MTA3: variants seen among roughly 807,000 people sequenced by gnomAD.
MTA3 encodes metastasis-associated protein MTA3.
MTA3 carries 34 observed loss-of-function variants against 83.5 expected under a neutral mutation model. The ratio of observed to expected loss-of-function variants is 0.41; its 90% CI spans 0.31 to 0.54. The LOEUF is 0.54. Among genes scored for constraint, MTA3 ranks in the 20% least tolerant of loss-of-function variants. MTA3 has a pLI of 0.33. For synonymous variants in MTA3, 303 were observed against 252.7 expected (o/e 1.20, Z -1.89); for missense variants, 761 against 726.4 (o/e 1.05, Z -0.55).
At chr2:42,610,113 A>C (rs1350127652) in intron 4 of MTA3, among the ~76,000 whole-genome samples, 1 of 152,160 alleles carries the variant, frequency 6.6e-6, no homozygotes, top group African/African-American at 2.4e-5. Context: ...AAACAAACGA[A>C]AAAAAACAAT....
chr2:42,567,872 G>A (rs1426030671), upstream of MTA3, among the ~76,000 whole-genome samples: 2 of 152,172 alleles, frequency 1.3e-5, no homozygotes, highest in African/African-American at 4.8e-5. Flanking sequence ...CACTCCTAAA[G>A]GTCCCTTTTC....
chr2:42,539,345 T>C (rs1676417305), intron 2 of MTA3, among the ~76,000 whole-genome samples: 1 of 152,014 alleles, frequency 6.6e-6, no homozygotes, highest in Non-Finnish European at 1.5e-5. Flanking sequence ...CAAGTCCTTC[T>C]TCACAGGGCA....
At chr2:42,686,296 TTTAAC>T (rs1428854080) in intron 9 of MTA3, among the ~76,000 whole-genome samples, 1 of 152,236 alleles carries the variant, frequency 6.6e-6, no homozygotes, top group Admixed American at 6.5e-5. Context: ...CGAAGCTTAA[TTTAAC>T]TTATTTCAAA....
rs1410650711 is a variant in MTA3, at chr2:42,671,867, A to G, written c.703-10534A>G. Among the ~76,000 whole-genome samples, 3 of 152,156 alleles carry G rather than the reference A, an allele frequency of 2.0e-5. No homozygotes were observed. In the East Asian group the frequency reaches 5.8e-4, roughly 29 times the overall value. On this transcript the variant is annotated intron_variant, in intron 8 of 16. Coordinates refer to ENST00000405094, the MANE Select transcript of MTA3 (RefSeq NM_001330442.2). ...GGGCCTTACTGACTCTGGCAACATCAAGGTCTGATGCTTGTCACATCAGAC... is the reference window on the plus strand; with the variant it reads ...GGGCCTTACTGACTCTGGCAACATCGAGGTCTGATGCTTGTCACATCAGAC...
At chr2:42,745,745 A>G (rs1280067765) in intron 16 of MTA3, among the ~76,000 whole-genome samples, 1 of 151,388 alleles carries the variant, frequency 6.6e-6, no homozygotes, top group African/African-American at 2.4e-5. Flanking sequence ...TAGTTTGTCA[A>G]CTTTGCTTCA....
At chr2:42,594,687 T>C (rs1182232128) in intron 3 of MTA3, among the ~76,000 whole-genome samples, 1 of 114,856 alleles carries the variant, frequency 8.7e-6, no homozygotes, top group African/African-American at 3.3e-5. Context: ...AATATACATA[T>C]ATACATATAT....
rs369767883 is a variant in MTA3 at position 42,726,579 on chromosome 2, C to A, written c.1759+3544C>A. ...GTCCATGTGTTCTCATTGTTCAATT[C>A]CCACCTATGAGTGAGAACATGCGGT... is the stretch of plus-strand genomic sequence containing the variant. On this transcript the variant is annotated intron_variant, in intron 16 of 16. Transcript: ENST00000405094. Among the ~76,000 whole-genome samples, 5 of 152,008 alleles carry A rather than the reference C, an allele frequency of 3.3e-5. No individual in the cohort carries two copies. In the East Asian group the frequency reaches 5.8e-4, roughly 18 times the overall value.
Position 42,682,710 on chromosome 2 carries a change from A to G in MTA3, c.891+121A>G, listed in dbSNP as rs149758887. On this transcript the variant is annotated intron_variant, in intron 9 of 16. Transcript: ENST00000405094. ...TGAGTTAATAGTTTTTATCTGCTCAAAGTAAAATGAAGGTTAGTCTTGTAA... is the reference window on the plus strand; with the variant it reads ...TGAGTTAATAGTTTTTATCTGCTCAGAGTAAAATGAAGGTTAGTCTTGTAA... 1,118 of 849,454 alleles carry G rather than the reference A, an allele frequency of 1.3e-3. 9 individuals are homozygous for G. The African/African-American group carries it at 0.017, about 13-fold the overall frequency. 52.6% of individuals were successfully genotyped at this position (849,454 alleles called of 1,614,324 possible).
chr2:42,664,514 C>A, intron 8 of MTA3, among the ~76,000 whole-genome samples: 1 of 135,708 alleles, frequency 7.4e-6, no homozygotes, highest in Non-Finnish European at 1.5e-5. Flanking sequence ...TGCTCTGTTG[C>A]CCAGGCTGGA....
chr2:42,528,699 T>C (rs1476019476), intron 2 of MTA3, among the ~76,000 whole-genome samples: 5 of 152,240 alleles, frequency 3.3e-5, no homozygotes, highest in Non-Finnish European at 7.3e-5. Context: ...AGTTTCTTCA[T>C]TGATTTCAGC....
intron 16 of MTA3, among the ~76,000 whole-genome samples, chr2:42,752,929 C>CT (rs1460463160): frequency 1.9e-4 from 28 of 148,234 alleles, no homozygotes; most frequent in South Asian, 4.2e-4. Context: ...ATTGTGAGCC[C>CT]TTTTTTTTTT....
intron 16 of MTA3, among the ~76,000 whole-genome samples, chr2:42,749,315 T>C (rs1481571633): frequency 1.3e-5 from 2 of 152,182 alleles, no homozygotes; most frequent in African/African-American, 4.8e-5. Flanking sequence ...TGCATGAATG[T>C]GCTCATGGGG....
chr2:42,577,105 A>AAAATATATATATATAT (rs1211189566), intron 2 of MTA3, among the ~76,000 whole-genome samples: 2 of 86,952 alleles, frequency 2.3e-5, no homozygotes, highest in African/African-American at 1.1e-4. Flanking sequence ...AAAAAAAAAA[A>AAAATATATATATATAT]ATATATATAT....
At position 42,549,588 on chromosome 2, in the gene MTA3, T is replaced by TTATATACATATACATATATAATATATAA. The variant is rs1677006270; in HGVS notation, c.-140-20843_-140-20816dup. 5.1e-5 allele frequency among the ~76,000 whole-genome samples: 6 copies of TTATATACATATACATATATAATATATAA among 118,490 alleles called. 1 individual carries two copies. The highest frequency in any genetic ancestry group is 2.2e-4 in the South Asian group (1 of 4,566). 77.7% of individuals were successfully genotyped at this position (118,490 alleles called of 152,430 possible). A position where few individuals can be genotyped will look rare whatever the true frequency, so the allele number is the denominator to read the frequency against. ...ATATACATATATAATATATAATATA[T>TTATATACATATACATATATAATATATAA]TATATACATATACATATATAATATA... On this transcript the variant is annotated intron_variant, in intron 2 of 17. Transcript: ENST00000405592.
chr2:42,606,160 T>A (rs1322711013), intron 3 of MTA3, among the ~76,000 whole-genome samples: 1 of 89,670 alleles, frequency 1.1e-5, no homozygotes, highest in Admixed American at 1.2e-4. Flanking sequence ...GAGGCGCCCC[T>A]CACCTCCCGG....
intron 2 of MTA3, among the ~76,000 whole-genome samples, chr2:42,534,598 A>G (rs995930873): frequency 2.3e-5 from 3 of 132,684 alleles, no homozygotes; most frequent in East Asian, 4.5e-4. Flanking sequence ...TCTAAAAAAA[A>G]GAAGAAAAAG....
At chr2:42,696,278 C>T (rs765168495) in intron 10 of MTA3, among the ~76,000 whole-genome samples, 4 of 152,128 alleles carry the variant, frequency 2.6e-5, no homozygotes, top group Non-Finnish European at 5.9e-5. Context: ...GCTATACCCC[C>T]GAAATCCTTG....
At chr2:42,611,993 A>G (rs1412450859) in intron 4 of MTA3, among the ~76,000 whole-genome samples, 1 of 152,088 alleles carries the variant, frequency 6.6e-6, no homozygotes, top group East Asian at 1.9e-4. Flanking sequence ...AGGGGGCACT[A>G]TGGTTAGATT....
At chr2:42,617,632 C>T (rs1023339266) in intron 4 of MTA3, among the ~76,000 whole-genome samples, 14 of 152,064 alleles carry the variant, frequency 9.2e-5, no homozygotes, top group Non-Finnish European at 1.5e-4. Context: ...CAAAATTAGC[C>T]GGGCCTGGTG....
Sources: allele counts gnomAD v4.1 joint callset (sites outside exome capture counted in the v4.1 genomes callset), GRCh38; gene constraint gnomAD v4.1.1; transcripts MANE v1.5; gene names NCBI Gene and HGNC (gene_info 2026-07-23, HGNC 2026-07-21).